The following CADM2 variants were observed in gnomAD, a reference collection of about 807,000 sequenced individuals.
CADM2 encodes the protein cell adhesion molecule 2.
CADM2 carries 12 observed loss-of-function variants against 49.8 expected under a neutral mutation model. That is an observed-to-expected ratio of 0.24 (90% CI 0.15 to 0.39). The LOEUF is 0.39. CADM2 is among the 10% of genes least tolerant of loss of function. The pLI is 1.00. For synonymous variants in CADM2, 214 were observed against 175.4 expected (o/e 1.22, Z -1.74); for missense variants, 378 against 492.3 (o/e 0.77, Z 2.20).
chr3:85,741,546 C>T (rs1433549775), intron 2 of CADM2, among the ~76,000 whole-genome samples: 1 of 151,916 alleles, frequency 6.6e-6, no homozygotes, highest in African/African-American at 2.4e-5. Context: ...TGCATGCCTG[C>T]AATCCCAGCT....
At chr3:85,346,997 T>G (rs978169026) in intron 1 of CADM2, among the ~76,000 whole-genome samples, 2 of 151,360 alleles carry the variant, frequency 1.3e-5, no homozygotes, top group African/African-American at 4.8e-5. Flanking sequence ...CTTAAGTGGG[T>G]GGATCACTTG....
At chr3:85,126,650 A>G (rs1247092384) in intron 1 of CADM2, among the ~76,000 whole-genome samples, 8 of 152,096 alleles carry the variant, frequency 5.3e-5, no homozygotes, top group African/African-American at 1.9e-4. Flanking sequence ...TAAAATCACT[A>G]CGGTTGTTTT....
intron 1 of CADM2, among the ~76,000 whole-genome samples, chr3:84,994,885 G>A (rs755872021): frequency 5.3e-5 from 8 of 151,838 alleles, no homozygotes; most frequent in Non-Finnish European, 1.2e-4. Flanking sequence ...AAAATAAGCC[G>A]GGCGTGGTGG....
At chr3:85,714,988 G>A (rs981606059) in intron 1 of CADM2, among the ~76,000 whole-genome samples, 14 of 151,638 alleles carry the variant, frequency 9.2e-5, no homozygotes, top group African/African-American at 1.5e-4. Context: ...AATCATTATC[G>A]TTCCTGGAAA....
intron 1 of CADM2, among the ~76,000 whole-genome samples, chr3:85,466,798 G>A (rs575106124): frequency 6.6e-6 from 1 of 151,758 alleles, no homozygotes; most frequent in South Asian, 2.1e-4. Context: ...CCCCCCATTG[G>A]ATAGTATCAG....
chr3:86,003,059 G>A (rs928581603), intron 8 of CADM2, among the ~76,000 whole-genome samples: 4 of 152,152 alleles, frequency 2.6e-5, no homozygotes, highest in African/African-American at 9.7e-5. Context: ...TTCATGTTTA[G>A]TGAACAACTA....
At chr3:85,234,729 C>T (rs938112848) in intron 1 of CADM2, among the ~76,000 whole-genome samples, 1 of 152,080 alleles carries the variant, frequency 6.6e-6, no homozygotes, top group African/African-American at 2.4e-5. Flanking sequence ...AACTTTTCTC[C>T]AGAGTAGTAA....
intron 1 of CADM2, among the ~76,000 whole-genome samples, chr3:85,683,146 T>C (rs1189624216): frequency 6.6e-6 from 1 of 152,062 alleles, no homozygotes; most frequent in Non-Finnish European, 1.5e-5. Flanking sequence ...TAAGTATATG[T>C]GATCATAGAA....
intron 2 of CADM2, among the ~76,000 whole-genome samples, chr3:85,729,416 A>G (rs929880108): frequency 1.3e-5 from 2 of 152,096 alleles, no homozygotes; most frequent in African/African-American, 2.4e-5. Flanking sequence ...CTGTCTCACT[A>G]TTGTTGCCTG....
intron 1 of CADM2, among the ~76,000 whole-genome samples, chr3:84,997,474 A>G (rs564751630): frequency 6.6e-6 from 1 of 152,192 alleles, no homozygotes; most frequent in East Asian, 1.9e-4. Flanking sequence ...CATAGAAAAT[A>G]TAAGTTTATT....
At chr3:86,031,031 A>T (rs1310221518) in intron 8 of CADM2, among the ~76,000 whole-genome samples, 6 of 151,738 alleles carry the variant, frequency 4.0e-5, no homozygotes, top group Admixed American at 1.3e-4. Flanking sequence ...TAATTTATAA[A>T]TTTTTTCTTA....
intron 2 of CADM2, among the ~76,000 whole-genome samples, chr3:85,771,441 G>T (rs1380423686): frequency 6.6e-6 from 1 of 152,024 alleles, no homozygotes; most frequent in East Asian, 1.9e-4. Flanking sequence ...GGAAAACAAA[G>T]CTTGCTTATA....
At chr3:85,785,156 A>G (rs2070903812) in intron 2 of CADM2, among the ~76,000 whole-genome samples, 1 of 152,004 alleles carries the variant, frequency 6.6e-6, no homozygotes, top group Non-Finnish European at 1.5e-5. Context: ...GATTTCATTT[A>G]CTTGGGTCTT....
chr3:85,901,793 T>C (rs1330994447), intron 5 of CADM2, among the ~76,000 whole-genome samples: 1 of 152,184 alleles, frequency 6.6e-6, no homozygotes, highest in Non-Finnish European at 1.5e-5. Flanking sequence ...AACTCCCGAC[T>C]TTCCCCCAAC....
chr3:85,920,280 A>G (rs1718930635), intron 6 of CADM2, among the ~76,000 whole-genome samples: 2 of 151,914 alleles, frequency 1.3e-5, no homozygotes, highest in African/African-American at 2.4e-5. Flanking sequence ...TATATATAGC[A>G]TAAGGGCACA....
intron 1 of CADM2, among the ~76,000 whole-genome samples, chr3:85,425,630 TA>T (rs1388574765): frequency 6.6e-6 from 1 of 152,226 alleles, no homozygotes; most frequent in African/African-American, 2.4e-5. Flanking sequence ...TTATATCCAT[TA>T]ACTTAACTCT....
At chr3:85,810,214 T>C (rs989974783) in intron 3 of CADM2, among the ~76,000 whole-genome samples, 1 of 152,082 alleles carries the variant, frequency 6.6e-6, no homozygotes, top group African/African-American at 2.4e-5. Context: ...AATATGTAAA[T>C]TGACATCTCT....
At chr3:85,735,503 G>A (rs114802281) in intron 2 of CADM2, among the ~76,000 whole-genome samples, 1,932 of 152,208 alleles carry the variant, frequency 0.013, 36 homozygotes, top group African/African-American at 0.044. Flanking sequence ...GAAGTAGAGA[G>A]CCATGGGAAG....
chr3:85,917,644 A>G (rs1309771265), intron 6 of CADM2, among the ~76,000 whole-genome samples: 2 of 152,130 alleles, frequency 1.3e-5, no homozygotes, highest in African/African-American at 2.4e-5. Flanking sequence ...TTGATTTGGC[A>G]ATGCAGGTTA....
Sources: allele counts gnomAD v4.1 joint callset (sites outside exome capture counted in the v4.1 genomes callset), GRCh38; gene constraint gnomAD v4.1.1; transcripts MANE v1.5; gene names NCBI Gene and HGNC (gene_info 2026-07-23, HGNC 2026-07-21).